LMBRD1: variants seen among roughly 807,000 people sequenced by gnomAD.
The protein encoded by LMBRD1 is LMBR1 domain containing 1.
In LMBRD1, 64 loss-of-function variants were observed where a neutral mutation model predicts 74.8. The observed-to-expected ratio is 0.86, with a 90% confidence interval of 0.70 to 1.05. The LOEUF (loss-of-function observed/expected upper bound fraction) is 1.05, where lower values mean the gene tolerates loss of function less well. LMBRD1 is among the 50% of genes least tolerant of loss of function. LMBRD1 has a pLI of 0.00. For synonymous variants in LMBRD1, 204 were observed against 216.3 expected (o/e 0.94, Z 0.50); for missense variants, 652 against 645.9 (o/e 1.01, Z -0.10).
chr6:69,676,189 CT>C lies in LMBRD1; in HGVS notation c.1591del (p.Ser531ValfsTer16). Reference sequence around the variant, plus strand: ...AGAATAGACAGAGGGCTCATCATCACTTATGTCTGAATCTTCATCTACTCCT... The same window carrying C: ...AGAATAGACAGAGGGCTCATCATCACTATGTCTGAATCTTCATCTACTCCT... ...IEGVDEDSDI[S>X]DDEPSVYSA On this transcript the variant is annotated frameshift_variant, in exon 16 of 16. Coordinates refer to ENST00000649934, the MANE Select transcript of LMBRD1 (RefSeq NM_018368.4). LOFTEE classifies it high-confidence loss of function. 1.2e-6 allele frequency: 2 copies of C among 1,613,392 alleles called. No individual in the cohort carries two copies. The highest frequency in any genetic ancestry group is 1.7e-6 in the Non-Finnish European group (2 of 1,179,592).
chr6:69,749,729 T>C (rs1488313519), intron 4 of LMBRD1, among the ~76,000 whole-genome samples: 1 of 151,256 alleles, frequency 6.6e-6, no homozygotes, highest in East Asian at 1.9e-4. Context: ...CAGACAGCAA[T>C]CAGAATCTAC....
chr6:69,793,661 T>C (rs1159895947), intron 1 of LMBRD1, among the ~76,000 whole-genome samples: 1 of 151,558 alleles, frequency 6.6e-6, no homozygotes, highest in Non-Finnish European at 1.5e-5. Flanking sequence ...GTGAAGAAAC[T>C]GAAGTCCATT....
intron 12 of LMBRD1, among the ~76,000 whole-genome samples, chr6:69,699,916 A>G (rs1485230693): frequency 6.6e-6 from 1 of 151,846 alleles, no homozygotes; most frequent in Non-Finnish European, 1.5e-5. Flanking sequence ...TGGCCATGTG[A>G]TAAAATATTA....
At chr6:69,745,412 C>A (rs960965480) in intron 5 of LMBRD1, among the ~76,000 whole-genome samples, 1 of 151,430 alleles carries the variant, frequency 6.6e-6, no homozygotes, top group African/African-American at 2.4e-5. Flanking sequence ...GCGCCCGCCA[C>A]CGTGCCCGGC....
rs1322409389 is a variant in LMBRD1 at position 69,781,819 on chromosome 6, T to C, written c.247-1265A>G. ...TAAAGATTGTAAATACCAACTGCCA[T>C]CCAAATTAATCTTAAAATTAATATA... On this transcript the variant is annotated intron_variant, in intron 2 of 15. Coordinates refer to ENST00000649934, the MANE Select transcript of LMBRD1 (RefSeq NM_018368.4). Among the ~76,000 whole-genome samples the C allele has an allele frequency of 2.6e-5, 4 of 152,262 alleles. No homozygotes were observed. The East Asian group carries it at 7.7e-4, about 29-fold the overall frequency.
intron 7 of LMBRD1, among the ~76,000 whole-genome samples, chr6:69,728,866 C>T (rs1766793020): frequency 6.6e-6 from 1 of 152,164 alleles, no homozygotes; most frequent in Admixed American, 6.5e-5. Flanking sequence ...CCACTAGGGC[C>T]ACTACAGAAG....
chr6:69,781,142 T>A (rs9454891), intron 2 of LMBRD1, among the ~76,000 whole-genome samples: 1,608 of 152,250 alleles, frequency 0.011, 36 homozygotes, highest in African/African-American at 0.034. Flanking sequence ...TACATTTTTT[T>A]AAAAACCTAC....
At chr6:69,676,737 C>A (rs2149832587) in intron 14 of LMBRD1, among the ~76,000 whole-genome samples, 196 bp from the exon 15 acceptor site, 1 of 151,964 alleles carries the variant, frequency 6.6e-6, no homozygotes. Context: ...TTAAAAACTG[C>A]CAATTAATAT....
intron 3 of LMBRD1, among the ~76,000 whole-genome samples, chr6:69,779,981 C>T (rs1287327247): frequency 6.6e-6 from 1 of 152,204 alleles, no homozygotes. Context: ...TCCACCCAAA[C>T]CTGGCAATAC....
chr6:69,705,274 T>C, intron 9 of LMBRD1: 1 of 724,254 alleles, frequency 1.4e-6, no homozygotes, highest in Non-Finnish European at 2.5e-6. Flanking sequence ...AACAAATTGT[T>C]TAAACTATTT....
intron 7 of LMBRD1, among the ~76,000 whole-genome samples, chr6:69,721,370 T>A (rs1766611142): frequency 6.6e-6 from 1 of 152,228 alleles, no homozygotes; most frequent in South Asian, 2.1e-4. Flanking sequence ...TAAAGAGAAC[T>A]TTGTTTTGCG....
intron 7 of LMBRD1, 130 bp from the exon 8 acceptor site, chr6:69,719,211 G>A (rs772781580): frequency 4.7e-5 from 36 of 772,594 alleles, no homozygotes; most frequent in Non-Finnish European, 7.0e-5. Flanking sequence ...CTGAAAACAT[G>A]GTATATGGGA....
At chr6:69,734,189 T>A (rs1272179586) in intron 7 of LMBRD1, among the ~76,000 whole-genome samples, 2 of 152,212 alleles carry the variant, frequency 1.3e-5, no homozygotes, top group Non-Finnish European at 2.9e-5. Flanking sequence ...ATCTCTCCCT[T>A]GGCCTTAGGC....
chr6:69,679,997 T>C (rs544105409), intron 14 of LMBRD1, among the ~76,000 whole-genome samples: 1 of 152,272 alleles, frequency 6.6e-6, no homozygotes, highest in African/African-American at 2.4e-5. Flanking sequence ...AATAATTGGT[T>C]AGTCATTAAT....
At chr6:69,722,619 A>G (rs375388856) in intron 7 of LMBRD1, among the ~76,000 whole-genome samples, 53 of 148,888 alleles carry the variant, frequency 3.6e-4, no homozygotes, top group African/African-American at 1.3e-3. Context: ...AGTTGTCATC[A>G]GTTTAAAATA....
intron 14 of LMBRD1, among the ~76,000 whole-genome samples, chr6:69,690,355 A>G (rs1253856421): frequency 6.6e-6 from 1 of 152,090 alleles, no homozygotes; most frequent in African/African-American, 2.4e-5. Flanking sequence ...AATGCTCAAA[A>G]CTAAACTCTA....
Position 69,774,948 on chromosome 6 carries a change from T to TGGAA in LMBRD1, c.307+5542_307+5545dup, listed in dbSNP as rs1157907347. ...CACTCCTGCCCAAAATACAGTGAGA[T>TGGAA]GGAAGGAAGGAAGGAAGGAAGGAAG... On this transcript the variant is annotated intron_variant, in intron 3 of 15. Transcript: ENST00000649934. Among the ~76,000 whole-genome samples, 105 of 38,870 alleles carry TGGAA rather than the reference T, an allele frequency of 2.7e-3. 4 individuals are homozygous for TGGAA. Among genetic ancestry groups the TGGAA allele is most frequent in the East Asian group, 6.2e-3 (7 of 1,132 alleles). 25.5% of individuals were successfully genotyped at this position (38,870 alleles called of 152,430 possible).
At chr6:69,773,967 A>G (rs1354570310) in intron 3 of LMBRD1, among the ~76,000 whole-genome samples, 2 of 152,186 alleles carry the variant, frequency 1.3e-5, no homozygotes, top group Non-Finnish European at 2.9e-5. Context: ...ATATGATTCA[A>G]TTTACATCTA....
At chr6:69,691,136 G>A (rs571304711) in intron 14 of LMBRD1, among the ~76,000 whole-genome samples, 3 of 97,680 alleles carry the variant, frequency 3.1e-5, no homozygotes, top group Non-Finnish European at 4.3e-5. Flanking sequence ...AAGCAGCAAC[G>A]GCCTCTCTCT....
Sources: allele counts gnomAD v4.1 joint callset (sites outside exome capture counted in the v4.1 genomes callset), GRCh38; gene constraint gnomAD v4.1.1; transcripts MANE v1.5; gene names NCBI Gene and HGNC (gene_info 2026-07-23, HGNC 2026-07-21).